Variants in LGALS4 observed in about 807,000 individuals in gnomAD.
LGALS4 encodes galectin 4, also known as galectin-4.
In LGALS4, 37 loss-of-function variants were observed where a neutral mutation model predicts 39.6. That is an observed-to-expected ratio of 0.93 (90% CI 0.72 to 1.23). LGALS4 has a LOEUF of 1.23. Among genes scored for constraint, LGALS4 ranks in the 50% most tolerant of loss-of-function variants. The pLI is 0.00. For synonymous variants in LGALS4, 160 were observed against 165.5 expected, an observed-to-expected ratio of 0.97 and a Z score of 0.25; for missense variants, 397 against 433.2, an observed-to-expected ratio of 0.92 and a Z score of 0.74.
At position 38,803,742 on chromosome 19, in the gene LGALS4, G is replaced by A. The variant is rs773604776; in HGVS notation, c.540C>T (p.Pro180=). The A allele has an allele frequency of 1.5e-5, 24 of 1,612,582 alleles. No homozygotes were observed. The highest frequency in any genetic ancestry group is 5.0e-5 in the Admixed American group (3 of 59,842). Residue 180 remains proline, a splice_region_variant and synonymous_variant, in exon 6 of 10, where the codon CCC becomes CCT. Transcript: ENST00000307751. ...GGGCCCTCCCAGCCCTCCCACTCAC[G>A]GGCAGGCTGTTCAGCTGTTGATGGC... ...GHCHQQLNSL[P]TMEGPPTFNP...
chr19:38,808,121 A>AAAAT (rs968826130), intron 3 of LGALS4, among the ~76,000 whole-genome samples: 14 of 151,666 alleles, frequency 9.2e-5, no homozygotes, highest in South Asian at 4.1e-4. Flanking sequence ...TCAATAAATA[A>AAAAT]AAATAAATAA....
chr19:38,809,780 G>A (rs1378770309), intron 2 of LGALS4, among the ~76,000 whole-genome samples: 1 of 148,236 alleles, frequency 6.7e-6, no homozygotes, highest in Non-Finnish European at 1.5e-5. Context: ...GTGAGTTGCT[G>A]TACCCAGCCC....
At chr19:38,804,854 CAAAT>C (rs898909652) in intron 4 of LGALS4, among the ~76,000 whole-genome samples, 2 of 151,634 alleles carry the variant, frequency 1.3e-5, no homozygotes, top group African/African-American at 2.4e-5. Context: ...AACAAACAAA[CAAAT>C]AAACGTAGCT....
chr19:38,801,976 G>A lies in LGALS4; in HGVS notation c.825+16C>T, dbSNP rs768992038. The A allele has an allele frequency of 1.2e-6, 2 of 1,614,062 alleles. No individual in the cohort carries two copies. Among genetic ancestry groups the A allele is most frequent in the Non-Finnish European group, 1.7e-6 (2 of 1,179,902 alleles). On this transcript the variant is annotated intron_variant, in intron 9 of 9. Transcript: ENST00000307751. ...GAGGCCCTGGAAGGAAGTGGGAAAA[G>A]AGAGCTCAGACTCACATCAAAGAAC...
intron 2 of LGALS4, among the ~76,000 whole-genome samples, chr19:38,811,039 T>G (rs569894068): frequency 6.6e-6 from 1 of 151,776 alleles, no homozygotes; most frequent in Non-Finnish European, 1.5e-5. Flanking sequence ...GTAGCTGGGA[T>G]TACAGGCATG....
At chr19:38,803,222 C>G (rs1971381687) in intron 7 of LGALS4, 1 of 466,418 alleles carries the variant, frequency 2.1e-6, no homozygotes, top group South Asian at 2.8e-5. Flanking sequence ...ACTATGCTGG[C>G]CAGGATGGTC....
In LGALS4 at chr19:38,806,621, G is replaced by A. The variant is rs141412872; in HGVS notation, c.340-26C>T. ...CTGGAGGGCAGAGATGGGAGGTCAG[G>A]AGTCAGCACCCATGATCCTGGGAAG... On this transcript the variant is annotated intron_variant, in intron 3 of 9. Transcript: ENST00000307751. 7 of 1,612,108 alleles carry A rather than the reference G, an allele frequency of 4.3e-6. No individual in the cohort carries two copies. The African/African-American group carries it at 6.7e-5, about 15-fold the overall frequency.
rs1280963401 is a variant in LGALS4 at position 38,812,895 on chromosome 19, G to A, written c.-9C>T. On this transcript the variant is annotated 5_prime_UTR_variant, in exon 1 of 10. Transcript: ENST00000307751. The stretch of plus-strand genomic sequence containing the variant: ...GCGGGGACATAGGCCATCGCTCGAG[G>A]CTGCGCTAGTGGCTGGTCCTGTGAG... 1.2e-6 allele frequency: 2 copies of A among 1,611,304 alleles called. No homozygotes were observed. Among genetic ancestry groups the A allele is most frequent in the African/African-American group, 2.7e-5 (2 of 74,898 alleles).
At chr19:38,806,243 C>T (rs1480442131) in intron 4 of LGALS4, among the ~76,000 whole-genome samples, 1 of 151,846 alleles carries the variant, frequency 6.6e-6, no homozygotes, top group African/African-American at 2.4e-5. Flanking sequence ...TGGCAGGCTC[C>T]TGTAGTCCCA....
At chr19:38,809,535 C>T (rs1038807484) in intron 2 of LGALS4, among the ~76,000 whole-genome samples, 3 of 149,682 alleles carry the variant, frequency 2.0e-5, no homozygotes, top group Non-Finnish European at 4.4e-5. Context: ...GGCTGGAGTA[C>T]AGTGGCCACG....
chr19:38,802,325 G>C lies in LGALS4; in HGVS notation c.650C>G (p.Thr217Arg), dbSNP rs1208465282. 2.5e-6 allele frequency: 4 copies of C among 1,614,038 alleles called. No homozygotes were observed. In the East Asian group the frequency reaches 8.9e-5, roughly 36 times the overall value. The part of the protein sequence containing the change: ...TIIIKGYVPP[T>R]GKSFAINFKV... ...CTAGTTTACGTTATACCTCTTGCCT[G>C]TGGGAGGCACATAGCCCTTGATGAT... The change falls in exon 8 of 10, where the codon ACA (threonine) becomes AGA (arginine). Residue 217 changes from threonine to arginine, a missense_variant. Physicochemically the swap from Thr to Arg is moderately conservative, Grantham distance 71 (BLOSUM62 -1). Coordinates refer to ENST00000307751, the MANE Select transcript of LGALS4 (RefSeq NM_006149.4).
chr19:38,807,667 C>T (rs888009394), intron 3 of LGALS4, among the ~76,000 whole-genome samples: 3 of 151,666 alleles, frequency 2.0e-5, no homozygotes, highest in South Asian at 2.1e-4. Context: ...ATGACGATGG[C>T]GGTTTTGTCG....
At chr19:38,806,714 A>AG in intron 3 of LGALS4, 119 bp from the exon 4 acceptor site, 1 of 987,516 alleles carries the variant, frequency 1.0e-6, no homozygotes. Context: ...TGGGAGGCTG[A>AG]GGGGGGTGGA....
At chr19:38,809,132 G>A (rs908621843) in intron 2 of LGALS4, among the ~76,000 whole-genome samples, 184 bp from the exon 3 acceptor site, 2 of 151,664 alleles carry the variant, frequency 1.3e-5, no homozygotes, top group African/African-American at 4.8e-5. Flanking sequence ...TCTGAGGGGG[G>A]CAGATTCCCA....
intron 4 of LGALS4, 54 bp downstream of exon 4, chr19:38,806,407 T>C (rs1219953883): frequency 7.1e-6 from 11 of 1,540,304 alleles, no homozygotes; most frequent in East Asian, 2.3e-5. Context: ...AAAAAATGAA[T>C]GTGGAACTGA....
chr19:38,812,449 G>A lies in LGALS4; in HGVS notation c.116C>T (p.Ala39Val). Residue 39 changes from alanine (A) to valine (V), a missense_variant, in exon 2 of 10, where the codon GCC becomes GTC. Physicochemically the swap from Ala to Val is moderately conservative, Grantham distance 64. Transcript: ENST00000307751. ...VGMSVYIQGV[A>V]SEHMKRFFVN... is the part of the protein sequence containing the mutation. ...GTCTTACCGCTTCATGTGCTCGCTG[G>A]CCACTCCTTGGATGTAAACAGACAT... The A allele has an allele frequency of 6.2e-7, 1 of 1,614,098 alleles. No individual in the cohort carries two copies. Among genetic ancestry groups the A allele is most frequent in the Non-Finnish European group, 8.5e-7 (1 of 1,179,970 alleles).
chr19:38,808,805 A>G lies in LGALS4; in HGVS notation c.278T>C (p.Met93Thr), dbSNP rs200041851. The change falls in exon 3 of 10, where the codon ATG (methionine) becomes ACG (threonine). Residue 93 changes from methionine to threonine, a missense_variant. Coordinates refer to ENST00000307751, the MANE Select transcript of LGALS4 (RefSeq NM_006149.4). ...AAAGGCGGCACCCTTTTTGAAGGGCATGCTCCTCTTCCTCTCCTCGCTGCC... is the reference window on the plus strand; with the variant it reads ...AAAGGCGGCACCCTTTTTGAAGGGCGTGCTCCTCTTCCTCTCCTCGCTGCC... ...KWGSEERKRS[M>T]PFKKGAAFEL... 5 of 1,614,104 alleles carry G rather than the reference A, an allele frequency of 3.1e-6. No individual in the cohort carries two copies. In the Admixed American group the frequency reaches 6.7e-5, roughly 22 times the overall value.
rs749280227 is a variant in LGALS4 at position 38,802,420 on chromosome 19, G to T, written c.571-16C>A. On this transcript the variant is annotated splice_polypyrimidine_tract_variant and intron_variant, in intron 7 of 9. Transcript: ENST00000307751. Reference sequence around the variant, plus strand: ...ATGGCACAGGCTGTGGGAAGAGAACGGGGGGTCCCATTCTCTCTCAGCTTA... The same window carrying T: ...ATGGCACAGGCTGTGGGAAGAGAACTGGGGGTCCCATTCTCTCTCAGCTTA... The T allele has an allele frequency of 1.1e-5, 18 of 1,601,756 alleles. No individual in the cohort carries two copies. The highest frequency in any genetic ancestry group is 1.5e-5 in the Non-Finnish European group (17 of 1,168,858).
intron 2 of LGALS4, 25 bp from the exon 3 acceptor site, chr19:38,808,973 C>A: frequency 2.5e-6 from 4 of 1,569,540 alleles, no homozygotes; most frequent in South Asian, 1.2e-5. Flanking sequence ...AGGGCTCATT[C>A]CCCTGGTGCC....
Sources: allele counts gnomAD v4.1 joint callset (sites outside exome capture counted in the v4.1 genomes callset), GRCh38; gene constraint gnomAD v4.1.1; transcripts MANE v1.5; gene names NCBI Gene and HGNC (gene_info 2026-07-23, HGNC 2026-07-21).